Variants in DGKB observed in about 807,000 individuals in gnomAD.
DGKB encodes diacylglycerol kinase beta, also known as 90 kDa diacylglycerol kinase.
Under a neutral mutation model 114.3 loss-of-function variants are expected in DGKB, and 67 were observed. The ratio of observed to expected loss-of-function variants is 0.59; its 90% confidence interval spans 0.48 to 0.72. DGKB has a LOEUF of 0.72. Ranked by LOEUF, DGKB falls within the 30% of genes least tolerant of loss-of-function variation. DGKB has a pLI of 0.00. For synonymous variants in DGKB, 398 were observed against 323.1 expected (o/e 1.23, Z -2.49); for missense variants, 907 against 975.2 (o/e 0.93, Z 0.93).
At chr7:14,555,810 C>A (rs181859364) in intron 20 of DGKB, among the ~76,000 whole-genome samples, 8 of 152,148 alleles carry the variant, frequency 5.3e-5, no homozygotes, top group Non-Finnish European at 1.0e-4. Flanking sequence ...GCTACACACC[C>A]GCCAGCACCA....
intron 1 of DGKB, among the ~76,000 whole-genome samples, chr7:14,910,509 G>A (rs1371767684): frequency 1.3e-5 from 2 of 151,994 alleles, no homozygotes; most frequent in South Asian, 2.1e-4. Context: ...TCATTTTAGT[G>A]AGAAAAAATA....
chr7:14,763,183 C>A (rs1835952900), intron 2 of DGKB, among the ~76,000 whole-genome samples: 1 of 152,028 alleles, frequency 6.6e-6, no homozygotes. Flanking sequence ...GGAATCCCGC[C>A]AATGTTGAGT....
chr7:14,858,544 C>T (rs754113165), intron 1 of DGKB, among the ~76,000 whole-genome samples: 18 of 152,076 alleles, frequency 1.2e-4, no homozygotes, highest in Non-Finnish European at 2.5e-4. Flanking sequence ...CAGGAACAAA[C>T]AAGATTTGTT....
chr7:14,277,264 A>T (rs1346204024), intron 23 of DGKB, among the ~76,000 whole-genome samples: 1 of 152,074 alleles, frequency 6.6e-6, no homozygotes, highest in Non-Finnish European at 1.5e-5. Flanking sequence ...TCCACCTCCC[A>T]GGTTCAAGCG....
At chr7:14,918,588 C>A (rs530611845) in intron 1 of DGKB, among the ~76,000 whole-genome samples, 1 of 151,944 alleles carries the variant, frequency 6.6e-6, no homozygotes, top group Non-Finnish European at 1.5e-5. Context: ...ATGAAATTTA[C>A]AAAGTCCTAA....
intron 21 of DGKB, among the ~76,000 whole-genome samples, chr7:14,430,462 G>A (rs1267880543): frequency 2.6e-5 from 4 of 152,112 alleles, no homozygotes; most frequent in African/African-American, 7.2e-5. Context: ...AACATGTGAA[G>A]TTGGTCCATT....
chr7:14,472,033 C>T (rs529400459), intron 21 of DGKB, among the ~76,000 whole-genome samples: 10 of 152,132 alleles, frequency 6.6e-5, no homozygotes, highest in African/African-American at 1.7e-4. Flanking sequence ...TTATTGTGAT[C>T]GCTGGCCATA....
chr7:14,702,422 T>C lies in DGKB; in HGVS notation c.467-692A>G, dbSNP rs1263068756. Among the ~76,000 whole-genome samples, 3 of 152,304 alleles carry C rather than the reference T, an allele frequency of 2.0e-5. No individual in the cohort carries two copies. In the East Asian group the frequency reaches 5.8e-4, roughly 29 times the overall value. ...CTCTCATGGTTTATTTGTTTAAATCTGAGGTGGAGCTTCAGAGGGTAACTG... is the reference window on the plus strand; with the variant it reads ...CTCTCATGGTTTATTTGTTTAAATCCGAGGTGGAGCTTCAGAGGGTAACTG... On this transcript the variant is annotated intron_variant, in intron 6 of 25. Transcript: ENST00000402815.
intron 7 of DGKB, among the ~76,000 whole-genome samples, chr7:14,700,401 A>G (rs1298773514): frequency 1.3e-5 from 2 of 152,028 alleles, no homozygotes; most frequent in African/African-American, 4.8e-5. Flanking sequence ...TTTAGTAGAG[A>G]CGGGGTTTCA....
chr7:14,965,938 T>C (rs1331953950), intron 1 of DGKB, among the ~76,000 whole-genome samples: 1 of 152,080 alleles, frequency 6.6e-6, no homozygotes, highest in East Asian at 1.9e-4. Flanking sequence ...TCTATACTTC[T>C]GTCAAAAAAA....
chr7:14,245,679 G>A (rs1166610537), intron 23 of DGKB, among the ~76,000 whole-genome samples: 1 of 152,200 alleles, frequency 6.6e-6, no homozygotes, highest in Non-Finnish European at 1.5e-5. Context: ...TGTAATCCTA[G>A]CACTTTGGGA....
chr7:14,801,802 T>C (rs540133291), intron 2 of DGKB, among the ~76,000 whole-genome samples: 80 of 152,092 alleles, frequency 5.3e-4, no homozygotes, highest in Middle Eastern at 3.4e-3. Context: ...TCATAATAAA[T>C]TAGTTTCTCT....
chr7:14,571,396 T>C (rs1798361853), intron 20 of DGKB, among the ~76,000 whole-genome samples: 2 of 152,208 alleles, frequency 1.3e-5, no homozygotes, highest in Non-Finnish European at 2.9e-5. Flanking sequence ...CTTACAGTAG[T>C]GATATCTGTG....
In DGKB at chr7:14,777,171, G is replaced by A. The variant is rs115955642; in HGVS notation, c.71-19440C>T. 3.2e-3 allele frequency among the ~76,000 whole-genome samples: 482 copies of A among 152,140 alleles called. 2 individuals are homozygous for A. In the Middle Eastern group the frequency reaches 0.034, roughly 11 times the overall value. The stretch of plus-strand genomic sequence containing the variant: ...GTTTTTACCCAATGCCTGTACCCCC[G>A]TTGTATCTAGGAAGTGACTCAGTTG... On this transcript the variant is annotated intron_variant, in intron 2 of 25. Coordinates refer to ENST00000402815, the MANE Select transcript of DGKB (RefSeq NM_001350709.2).
intron 22 of DGKB, among the ~76,000 whole-genome samples, chr7:14,343,825 A>G (rs1480438936): frequency 6.7e-6 from 1 of 149,860 alleles, no homozygotes; most frequent in Non-Finnish European, 1.5e-5. Flanking sequence ...TATTGAATAT[A>G]TATGCACATA....
chr7:14,849,205 A>G (rs1024986208), intron 1 of DGKB, among the ~76,000 whole-genome samples: 1 of 152,094 alleles, frequency 6.6e-6, no homozygotes, highest in Non-Finnish European at 1.5e-5. Flanking sequence ...ATAGTAGGCA[A>G]CTTATTGAAC....
At chr7:14,942,719 T>A (rs2128255420) in intron 1 of DGKB, among the ~76,000 whole-genome samples, 1 of 152,158 alleles carries the variant, frequency 6.6e-6, no homozygotes, top group African/African-American at 2.4e-5. Flanking sequence ...TCTTCTGGAA[T>A]TTTCTTTCCC....
intron 20 of DGKB, among the ~76,000 whole-genome samples, chr7:14,558,203 G>A (rs1796145803): frequency 7.4e-6 from 1 of 135,606 alleles, no homozygotes; most frequent in African/African-American, 3.1e-5. Context: ...CTGTATAGAG[G>A]ATGACTATAT....
chr7:14,908,017 G>C (rs1783796935), upstream of DGKB, among the ~76,000 whole-genome samples: 1 of 152,134 alleles, frequency 6.6e-6, no homozygotes, highest in African/African-American at 2.4e-5. Flanking sequence ...AGTTTTATGT[G>C]GAAAATTAGC....
Sources: gnomAD v4.1 joint callset for allele counts (sites outside exome capture counted in the v4.1 genomes callset) on GRCh38, gnomAD v4.1.1 for gene constraint, MANE v1.5 for transcripts, NCBI Gene and HGNC (gene_info 2026-07-23, HGNC 2026-07-21) for gene names.